The following RREB1 variants were observed in gnomAD, a reference collection of about 807,000 sequenced individuals.
RREB1 encodes the protein ras responsive element binding protein 1, also known as ras-responsive element-binding protein 1.
A neutral mutation model predicts 117.8 loss-of-function variants in RREB1; 27 were observed. The observed-to-expected ratio is 0.23, with a 90% CI of 0.17 to 0.32. The LOEUF (loss-of-function observed/expected upper bound fraction) is 0.32. RREB1 is among the 10% of genes least tolerant of loss of function. The pLI is 1.00. For synonymous variants in RREB1, 1,298 were observed against 1,026.7 expected (o/e 1.26, Z -5.05); for missense variants, 2,577 against 2,378.2 (o/e 1.08, Z -1.74).
intron 8 of RREB1, among the ~76,000 whole-genome samples, chr6:7,224,517 A>G (rs111796856): frequency 2.6e-5 from 4 of 151,818 alleles, no homozygotes; most frequent in African/African-American, 7.3e-5. Flanking sequence ...GCATGGGGGA[A>G]ATGAAGTGGG....
rs376124013 is a variant in RREB1 at position 7,246,695 on chromosome 6, C to T, written c.4245C>T (p.Ser1415=). The stretch of plus-strand genomic sequence containing the variant: ...AAGAGGACGCGTCGAGCAACCAGAG[C>T]CTGGACCTGGACTTCGCCACCAAGC... ...GAEEDASSNQ[S]LDLDFATKLM... The change falls in exon 12 of 13, where the codon AGC becomes AGT. Residue 1415 remains serine (S), a synonymous_variant. Coordinates refer to ENST00000379938, the MANE Select transcript of RREB1 (RefSeq NM_001003699.4). 1.3e-6 allele frequency: 2 copies of T among 1,583,976 alleles called. No homozygotes were observed. Among genetic ancestry groups the T allele is most frequent in the Admixed American group, 3.6e-5 (2 of 55,972 alleles).
rs756968631 is a variant in RREB1, at chr6:7,231,078, G to A, written c.2979G>A (p.Met993Ile). 2.5e-6 allele frequency: 4 copies of A among 1,613,546 alleles called. No individual in the cohort carries two copies. The highest frequency in any genetic ancestry group is 3.4e-6 in the Non-Finnish European group (4 of 1,180,012). Residue 993 changes from methionine to isoleucine, a missense_variant, in exon 10 of 13, where the codon ATG (methionine) becomes ATA (isoleucine). Transcript: ENST00000379938. Reference sequence around the variant, plus strand: ...CCAGCGGAATCCTGGAAAGCCCCATGGCCCCTGCTCCGGCGGCCACCCCGG... The same window carrying A: ...CCAGCGGAATCCTGGAAAGCCCCATAGCCCCTGCTCCGGCGGCCACCCCGG... ...LGPSGILESP[M>I]APAPAATPEP...
intron 8 of RREB1, 90 bp from the exon 9 acceptor site, chr6:7,226,377 C>A: frequency 1.1e-6 from 1 of 918,316 alleles, no homozygotes; most frequent in Non-Finnish European, 1.6e-6. Context: ...TCAACAAAAA[C>A]TTAAGTCTGG....
chr6:7,162,317 A>C (rs1320702346), intron 1 of RREB1, among the ~76,000 whole-genome samples: 1 of 152,016 alleles, frequency 6.6e-6, no homozygotes, highest in Non-Finnish European at 1.5e-5. Flanking sequence ...AAACTCAGCA[A>C]ATCATCTGCT....
chr6:7,245,967 G>T (rs1224362513), intron 11 of RREB1, among the ~76,000 whole-genome samples: 5 of 152,228 alleles, frequency 3.3e-5, no homozygotes, highest in Non-Finnish European at 7.3e-5. Flanking sequence ...TGCTTTGGAG[G>T]ATTAGGGGTA....
chr6:7,247,270 G>T (rs756706530), intron 12 of RREB1, 49 bp downstream of exon 12: 6 of 1,545,580 alleles, frequency 3.9e-6, no homozygotes, highest in Non-Finnish European at 4.4e-6. Context: ...AGGCGAGCCG[G>T]GCACCTCTCC....
chr6:7,186,346 G>A (rs1765080790), intron 4 of RREB1, among the ~76,000 whole-genome samples: 1 of 152,140 alleles, frequency 6.6e-6, no homozygotes, highest in Non-Finnish European at 1.5e-5. Flanking sequence ...CCATCATCTG[G>A]GGAGCTTGTG....
At chr6:7,217,196 T>C (rs1766952814) in intron 8 of RREB1, 1 of 152,322 alleles carries the variant, frequency 6.6e-6, no homozygotes, top group South Asian at 2.1e-4. Flanking sequence ...GAAGAATGTG[T>C]GAGTTGGTTG....
intron 3 of RREB1, 178 bp downstream of exon 3, chr6:7,181,424 T>C (rs960725614): frequency 7.3e-6 from 3 of 413,040 alleles, no homozygotes; most frequent in Non-Finnish European, 1.3e-5. Flanking sequence ...AATCACTGTA[T>C]TGCAGCAGTG....
chr6:7,204,818 A>C lies in RREB1; in HGVS notation c.426-5986A>C, dbSNP rs1278975549. Among the ~76,000 whole-genome samples the C allele has an allele frequency of 2.0e-5, 3 of 152,226 alleles. No individual in the cohort carries two copies. In the East Asian group the frequency reaches 5.8e-4, roughly 29 times the overall value. The stretch of plus-strand genomic sequence containing the variant: ...ATTTCTCCTGAGGTTTAACCTTCAC[A>C]TGCAAATTACATACGGGGAGCTTGA... On this transcript the variant is annotated intron_variant, in intron 6 of 12. Coordinates refer to ENST00000379938, the MANE Select transcript of RREB1 (RefSeq NM_001003699.4).
At position 7,128,862 on chromosome 6, in the gene RREB1, G is replaced by A. The variant is rs186906100; in HGVS notation, c.-285+20802G>A. Among the ~76,000 whole-genome samples the A allele has an allele frequency of 5.3e-5, 8 of 152,230 alleles. No individual in the cohort carries two copies. In the South Asian group the frequency reaches 1.0e-3, roughly 20 times the overall value. On this transcript the variant is annotated intron_variant, in intron 1 of 12. Coordinates refer to ENST00000379938, the MANE Select transcript of RREB1 (RefSeq NM_001003699.4). ...TGGGCACCTGTAATTCCAGCAACTC[G>A]GGAAGCTGAGACAGGAGAATTGCGT...
At chr6:7,241,588 C>T (rs568755954) in intron 11 of RREB1, among the ~76,000 whole-genome samples, 3 of 152,264 alleles carry the variant, frequency 2.0e-5, no homozygotes, top group Non-Finnish European at 4.4e-5. Context: ...CCTGTAGTTA[C>T]GAGGCACCCC....
intron 8 of RREB1, chr6:7,217,731 A>ATTAT (rs1422365498): frequency 6.6e-6 from 1 of 152,134 alleles, no homozygotes; most frequent in Non-Finnish European, 1.5e-5. Context: ...TTCTGATACT[A>ATTAT]TTATTTAGAA....
At chr6:7,140,606 A>G (rs1415976298) in intron 1 of RREB1, 1 of 152,244 alleles carries the variant, frequency 6.6e-6, no homozygotes, top group East Asian at 1.9e-4. Context: ...TTGAGAAATT[A>G]CTGACAAAAA....
intron 4 of RREB1, 113 bp downstream of exon 4, chr6:7,182,195 C>A: frequency 9.9e-7 from 1 of 1,006,016 alleles, no homozygotes; most frequent in Non-Finnish European, 1.4e-6. Context: ...ATAAAACGGA[C>A]ATACCCAGAG....
chr6:7,237,584 C>T lies in RREB1; in HGVS notation c.3809-2854C>T, dbSNP rs977110238. ...TGCAGAATGCTGTAGGTCCTGAGTG[C>T]GCAGGTAACTCACTGTGGTTACAGG... On this transcript the variant is annotated intron_variant, in intron 10 of 12. Coordinates refer to ENST00000379938, the MANE Select transcript of RREB1 (RefSeq NM_001003699.4). Among the ~76,000 whole-genome samples the T allele has an allele frequency of 9.9e-5, 15 of 152,276 alleles. 1 individual carries two copies. The South Asian group carries it at 1.7e-3, about 17-fold the overall frequency.
chr6:7,230,217 C>T lies in RREB1; in HGVS notation c.2118C>T (p.Tyr706=). ...CCTACATTTGCAAGATCTGCCACTACCCCTTCACTGTCAAAGCCAACTGCG... is the reference window on the plus strand; with the variant it reads ...CCTACATTTGCAAGATCTGCCACTATCCCTTCACTGTCAAAGCCAACTGCG... The part of the protein sequence containing the change: ...ERPYICKICH[Y]PFTVKANCER... The change falls in exon 10 of 13, where the codon TAC becomes TAT. Residue 706 remains tyrosine (Y), a synonymous_variant. Transcript: ENST00000379938. 2 of 1,605,062 alleles carry T rather than the reference C, an allele frequency of 1.2e-6. No homozygotes were observed. The highest frequency in any genetic ancestry group is 1.7e-6 in the Non-Finnish European group (2 of 1,179,926).
chr6:7,156,771 A>G (rs1029667814), intron 1 of RREB1, among the ~76,000 whole-genome samples: 2 of 152,152 alleles, frequency 1.3e-5, no homozygotes, highest in African/African-American at 4.8e-5. Context: ...AAATAAGACA[A>G]TCTTAGTTTT....
At chr6:7,196,674 G>A (rs913145559) in intron 6 of RREB1, among the ~76,000 whole-genome samples, 1 of 152,084 alleles carries the variant, frequency 6.6e-6, no homozygotes, top group Non-Finnish European at 1.5e-5. Context: ...AACTTATTTT[G>A]AGAAAGGTTA....
Sources: gnomAD v4.1 joint callset for allele counts (sites outside exome capture counted in the v4.1 genomes callset) on GRCh38, gnomAD v4.1.1 for gene constraint, MANE v1.5 for transcripts, NCBI Gene and HGNC (gene_info 2026-07-23, HGNC 2026-07-21) for gene names.